Variants in KLHL4 observed in about 807,000 individuals in gnomAD.
KLHL4 encodes kelch-like protein 4.
In KLHL4, 17 loss-of-function variants were observed where a neutral mutation model predicts 45.8. The ratio of observed to expected loss-of-function variants is 0.37; its 90% CI spans 0.25 to 0.56. The LOEUF (loss-of-function observed/expected upper bound fraction) is 0.56. KLHL4 is among the 20% of genes least tolerant of loss of function. The pLI is 0.79. For missense variants in KLHL4, 544 were observed against 544.9 expected, an observed-to-expected ratio of 1.00 and a Z score of 0.02; for synonymous variants, 224 against 189.9, an observed-to-expected ratio of 1.18 and a Z score of -1.47.
intron 1 of KLHL4, among the ~76,000 whole-genome samples, chrX:87,551,534 A>G (rs1464450654): frequency 1.9e-5 from 2 of 105,950 alleles, no homozygotes; most frequent in East Asian, 6.1e-4. Flanking sequence ...AAGAGCCTGC[A>G]TAGCCAAAGC....
intron 1 of KLHL4, among the ~76,000 whole-genome samples, chrX:87,535,104 TGAA>T (rs1329775584): frequency 1.8e-5 from 2 of 112,090 alleles, no homozygotes; most frequent in Non-Finnish European, 3.8e-5. Context: ...TATCTGAGGA[TGAA>T]GAAAATATTT....
chrX:87,613,292 G>T (rs150610688), intron 1 of KLHL4, among the ~76,000 whole-genome samples: 137 of 111,804 alleles, frequency 1.2e-3, no homozygotes, highest in African/African-American at 4.3e-3. Context: ...AATACAGGTA[G>T]CTTGCTTTTA....
At chrX:87,603,000 A>T (rs1189076952) in intron 1 of KLHL4, among the ~76,000 whole-genome samples, 2 of 111,641 alleles carry the variant, frequency 1.8e-5, no homozygotes, top group African/African-American at 6.5e-5. Context: ...GGCATATTTT[A>T]AAATTGGGAG....
intron 1 of KLHL4, among the ~76,000 whole-genome samples, chrX:87,571,732 C>A (rs1484294431): frequency 9.0e-6 from 1 of 111,203 alleles, no homozygotes; most frequent in Non-Finnish European, 1.9e-5. Flanking sequence ...GTTTATCCAT[C>A]CCCTATGAAA....
chrX:87,626,824 G>A (rs1055409514), intron 6 of KLHL4, among the ~76,000 whole-genome samples: 3 of 111,359 alleles, frequency 2.7e-5, no homozygotes, highest in African/African-American at 9.8e-5. Flanking sequence ...CTGGCAAAAG[G>A]TCTGGCTGCT....
chrX:87,556,678 AAAAACAAAACAAAACAAAACAAAAC>A (rs58655413), intron 1 of KLHL4, among the ~76,000 whole-genome samples: 1 of 102,734 alleles, frequency 9.7e-6, no homozygotes. Context: ...GTATAATAAT[AAAAACAAAACAAAACAAAACAAAAC>A]AAAACAAAAC....
chrX:87,549,932 T>G (rs1392086045), intron 1 of KLHL4, among the ~76,000 whole-genome samples: 2 of 111,274 alleles, frequency 1.8e-5, no homozygotes, highest in African/African-American at 6.5e-5. Context: ...AGGAATAACA[T>G]TGAAATGAAG....
chrX:87,550,254 C>T (rs1020797944), intron 1 of KLHL4, among the ~76,000 whole-genome samples: 4 of 110,428 alleles, frequency 3.6e-5, no homozygotes, highest in South Asian at 3.7e-4. Flanking sequence ...ATGATTGAAG[C>T]AAAGAGATGG....
At chrX:87,530,373 A>C in intron 1 of KLHL4, among the ~76,000 whole-genome samples, 1 of 100,800 alleles carries the variant, frequency 9.9e-6, no homozygotes, top group East Asian at 3.4e-4. Context: ...GCACCCACTA[A>C]CTCGTCATCT....
chrX:87,629,254 A>G (rs1012585458), intron 6 of KLHL4, among the ~76,000 whole-genome samples: 1 of 111,519 alleles, frequency 9.0e-6, no homozygotes, highest in Admixed American at 9.6e-5. Context: ...AGTTATTCAT[A>G]CAGAAAAATT....
Position 87,562,607 on chromosome X carries a change from C to T in KLHL4, c.422+44292C>T, listed in dbSNP as rs186013371. Among the ~76,000 whole-genome samples the T allele has an allele frequency of 6.9e-3, 764 of 110,852 alleles. 3 individuals carry two copies. The highest frequency in any genetic ancestry group is 0.011 in the Non-Finnish European group (608 of 52,915). On this transcript the variant is annotated intron_variant, in intron 1 of 10. Transcript: ENST00000373119. ...AGTTAAGCCACAGTAAAACAAAGTACACAGTATATTCCTAAAGTTCCTGAT... is the reference window on the plus strand; with the variant it reads ...AGTTAAGCCACAGTAAAACAAAGTATACAGTATATTCCTAAAGTTCCTGAT...
At chrX:87,575,574 G>A (rs890512293) in intron 1 of KLHL4, among the ~76,000 whole-genome samples, 2 of 111,915 alleles carry the variant, frequency 1.8e-5, no homozygotes, top group Non-Finnish European at 3.8e-5. Flanking sequence ...TCCTGTAAAT[G>A]AGGGAAATCG....
chrX:87,637,358 C>T (rs959136348), intron 9 of KLHL4, among the ~76,000 whole-genome samples: 2 of 111,754 alleles, frequency 1.8e-5, no homozygotes, highest in African/African-American at 3.3e-5. Flanking sequence ...CAGATCTTCC[C>T]TCTGACATAG....
In KLHL4 at chrX:87,669,098, C is replaced by A. The variant is rs1052699828; in HGVS notation, c.*2564C>A. 45 of 944,195 alleles carry A rather than the reference C, an allele frequency of 4.8e-5. No homozygotes were observed. The highest frequency in any genetic ancestry group is 2.2e-4 in the Admixed American group (4 of 18,566). 77.8% of individuals were successfully genotyped at this position (944,195 alleles called of 1,213,427 possible). Reference sequence around the variant, plus strand: ...TTCTGACATGCTTTAGCAGAGATAACTTATCAGGGCTAGTTTAAACAAATG... The same window carrying A: ...TTCTGACATGCTTTAGCAGAGATAAATTATCAGGGCTAGTTTAAACAAATG... On this transcript the variant is annotated 3_prime_UTR_variant, in exon 11 of 11. Transcript: ENST00000373119.
intron 1 of KLHL4, among the ~76,000 whole-genome samples, chrX:87,532,728 C>T (rs1392502317): frequency 6.6e-5 from 7 of 106,849 alleles, no homozygotes; most frequent in Non-Finnish European, 1.4e-4. Flanking sequence ...TGATTTGGCT[C>T]TCTGTTTGTC....
chrX:87,596,073 T>G (rs1165796595), intron 1 of KLHL4, among the ~76,000 whole-genome samples: 5 of 110,978 alleles, frequency 4.5e-5, no homozygotes, highest in Non-Finnish European at 9.4e-5. Flanking sequence ...CTCCCCCTCT[T>G]ACTCTTGCTC....
intron 1 of KLHL4, among the ~76,000 whole-genome samples, chrX:87,566,444 T>G (rs952775235): frequency 8.9e-6 from 1 of 112,032 alleles, no homozygotes; most frequent in African/African-American, 3.2e-5. Flanking sequence ...AATCATAGCT[T>G]AGCCTAATCC....
At chrX:87,636,265 A>G (rs1419613856) in intron 9 of KLHL4, among the ~76,000 whole-genome samples, 1 of 112,262 alleles carries the variant, frequency 8.9e-6, no homozygotes, top group Non-Finnish European at 1.9e-5. Flanking sequence ...AAAGTGGTAA[A>G]CAAATAAATT....
At position 87,633,779 on chromosome X, in the gene KLHL4, C is replaced by T; in HGVS notation, c.1580C>T (p.Ala527Val). The T allele has an allele frequency of 8.3e-7, 1 of 1,203,065 alleles. No individual in the cohort carries two copies. Residue 527 changes from alanine to valine, a missense_variant, in exon 8 of 11, where the codon GCT (alanine) becomes GTT (valine). Ala to Val is a moderately conservative substitution (Grantham distance 64). Transcript: ENST00000373119. ...GVATLEGPMY[A>V]VGGHDGWSYL... ...GCCACTCTTGAAGGACCAATGTATG[C>T]TGTAGGTGGTCATGATGGATGGAGC...
Sources: allele counts gnomAD v4.1 joint callset (sites outside exome capture counted in the v4.1 genomes callset), GRCh38; gene constraint gnomAD v4.1.1; transcripts MANE v1.5; gene names NCBI Gene and HGNC (gene_info 2026-07-23, HGNC 2026-07-21).